Variants in ATAD1 observed in about 807,000 individuals in gnomAD.
ATAD1 encodes the protein outer mitochondrial transmembrane helix translocase.
Under a neutral mutation model 42.7 loss-of-function variants are expected in ATAD1, and 18 were observed. The ratio of observed to expected loss-of-function variants is 0.42; its 90% confidence interval spans 0.29 to 0.63. The LOEUF is 0.63. Ranked by LOEUF, ATAD1 falls within the 20% of genes least tolerant of loss-of-function variation. ATAD1 has a pLI of 0.19. For missense variants in ATAD1, 294 were observed against 440.4 expected (o/e 0.67, Z 2.98); for synonymous variants, 132 against 143.1 (o/e 0.92, Z 0.55).
At chr10:87,814,234 T>A (rs148002352) in intron 2 of ATAD1, among the ~76,000 whole-genome samples, 4 of 152,126 alleles carry the variant, frequency 2.6e-5, no homozygotes, top group African/African-American at 9.7e-5. Flanking sequence ...TTCTGATAAG[T>A]TGTTTATATA....
At chr10:87,766,318 T>C (rs1854745225) in intron 8 of ATAD1, among the ~76,000 whole-genome samples, 1 of 152,174 alleles carries the variant, frequency 6.6e-6, no homozygotes, top group East Asian at 1.9e-4. Flanking sequence ...TGTAGAATTT[T>C]TATAATAGTG....
intron 5 of ATAD1, among the ~76,000 whole-genome samples, chr10:87,778,414 G>A (rs1219721981): frequency 6.6e-6 from 1 of 152,048 alleles, no homozygotes; most frequent in Non-Finnish European, 1.5e-5. Flanking sequence ...AGGACCAGAA[G>A]TGTTTCAAAT....
chr10:87,772,215 T>C (rs1403181524), intron 6 of ATAD1, among the ~76,000 whole-genome samples: 7 of 152,032 alleles, frequency 4.6e-5, no homozygotes, highest in Non-Finnish European at 7.4e-5. Flanking sequence ...CTTTCTTTCT[T>C]TCTTTTTTTT....
At chr10:87,818,248 G>T, upstream of ATAD1, 1 of 985,498 alleles carries the variant, frequency 1.0e-6, no homozygotes, top group Non-Finnish European at 1.2e-6. Context: ...GAACGCTTCC[G>T]GCGGGAGGCG....
intron 2 of ATAD1, among the ~76,000 whole-genome samples, chr10:87,812,644 G>A (rs1857240102): frequency 1.3e-5 from 2 of 152,150 alleles, no homozygotes; most frequent in South Asian, 2.1e-4. Flanking sequence ...CGTTGGCCAA[G>A]CAAATCCCAT....
chr10:87,834,730 T>G (rs1857900289), intron 1 of ATAD1, among the ~76,000 whole-genome samples: 1 of 152,070 alleles, frequency 6.6e-6, no homozygotes, highest in South Asian at 2.1e-4. Context: ...TTCATTAATT[T>G]TTCTCTATTG....
At position 87,803,261 on chromosome 10, in the gene ATAD1, A is replaced by G. The variant is rs147365196; in HGVS notation, c.163-10506T>C. Among the ~76,000 whole-genome samples, 5 of 152,346 alleles carry G rather than the reference A, an allele frequency of 3.3e-5. No individual in the cohort carries two copies. The East Asian group carries it at 7.7e-4, about 24-fold the overall frequency. On this transcript the variant is annotated intron_variant, in intron 2 of 9. Transcript: ENST00000680024. ...CGTCAAGGAATAAACCATCCTAGCC[A>G]TGAGAGATCAGACGAAACTTGAGAC...
At chr10:87,811,752 A>T (rs1857194753) in intron 2 of ATAD1, among the ~76,000 whole-genome samples, 1 of 152,188 alleles carries the variant, frequency 6.6e-6, no homozygotes, top group South Asian at 2.1e-4. Context: ...ACTTATAACC[A>T]TCGATAAGGA....
chr10:87,814,416 T>C (rs1435248464), intron 2 of ATAD1, 22 bp downstream of exon 2: 1 of 1,549,058 alleles, frequency 6.5e-7, no homozygotes, highest in African/African-American at 1.4e-5. Flanking sequence ...AGAAAAATGA[T>C]CTTCAAACAT....
At chr10:87,801,084 G>T (rs1856669681) in intron 2 of ATAD1, among the ~76,000 whole-genome samples, 1 of 152,130 alleles carries the variant, frequency 6.6e-6, no homozygotes, top group Admixed American at 6.5e-5. Flanking sequence ...ATATCTTATG[G>T]TCAAGATTAA....
chr10:87,783,579 T>C (rs1855673128), intron 5 of ATAD1, among the ~76,000 whole-genome samples: 1 of 151,656 alleles, frequency 6.6e-6, no homozygotes, highest in African/African-American at 2.4e-5. Context: ...TAATAAAATA[T>C]AATTCAAAAC....
chr10:87,756,659 G>C (rs1854235456), intron 9 of ATAD1, 130 bp downstream of exon 9: 2 of 854,864 alleles, frequency 2.3e-6, no homozygotes, highest in African/African-American at 1.8e-5. Context: ...TAAAGTTGCA[G>C]GGGGTGATAA....
intron 1 of ATAD1, 89 bp downstream of exon 1, chr10:87,818,078 G>A (rs544145781): frequency 7.1e-6 from 7 of 985,586 alleles, no homozygotes; most frequent in Non-Finnish European, 4.8e-6. Flanking sequence ...CCTTTCCTCC[G>A]GGGGTTCCCA....
rs948215229 is a variant in ATAD1, at chr10:87,785,324, T to C, written c.383-654A>G. On this transcript the variant is annotated intron_variant, in intron 4 of 9. Transcript: ENST00000680024. ...GAACATTTTGGGAACCACCACCAAC[T>C]GTTTCTCAACTAAAATGAGATAGCA... is the stretch of plus-strand genomic sequence containing the variant. Among the ~76,000 whole-genome samples the C allele has an allele frequency of 7.9e-5, 12 of 151,634 alleles. 1 individual carries two copies. In the South Asian group the frequency reaches 2.5e-3, roughly 31 times the overall value.
chr10:87,812,158 T>G (rs1216809328), intron 2 of ATAD1, among the ~76,000 whole-genome samples: 1 of 152,202 alleles, frequency 6.6e-6, no homozygotes, highest in Non-Finnish European at 1.5e-5. Context: ...TTGACTCCTA[T>G]TCCTTCTGCA....
intron 8 of ATAD1, among the ~76,000 whole-genome samples, chr10:87,764,511 T>C (rs1386579633): frequency 6.6e-6 from 1 of 152,112 alleles, no homozygotes; most frequent in African/African-American, 2.4e-5. Flanking sequence ...GGTATCCATC[T>C]AGAAAAACAA....
chr10:87,757,868 G>C (rs562702698), intron 8 of ATAD1, among the ~76,000 whole-genome samples: 2 of 152,298 alleles, frequency 1.3e-5, no homozygotes, highest in East Asian at 3.9e-4. Context: ...GAGACTTGAA[G>C]GTGAGACAAC....
intron 2 of ATAD1, among the ~76,000 whole-genome samples, chr10:87,802,289 C>T (rs12772552): frequency 0.29 from 44,548 of 151,876 alleles, 6,735 homozygotes; most frequent in Middle Eastern, 0.31. Context: ...TGGCTTCACA[C>T]CTTATCTACA....
At chr10:87,772,775 A>G (rs1415834115) in intron 6 of ATAD1, among the ~76,000 whole-genome samples, 1 of 152,234 alleles carries the variant, frequency 6.6e-6, no homozygotes, top group East Asian at 1.9e-4. Flanking sequence ...AATCACGTGT[A>G]GTTTCACATA....
Sources: allele counts gnomAD v4.1 joint callset (sites outside exome capture counted in the v4.1 genomes callset), GRCh38; gene constraint gnomAD v4.1.1; transcripts MANE v1.5; gene names NCBI Gene and HGNC (gene_info 2026-07-23, HGNC 2026-07-21).